Variants in ARMC8 observed in about 807,000 individuals in gnomAD.
ARMC8 encodes armadillo repeat-containing protein 8.
ARMC8 carries 20 observed loss-of-function variants against 99.3 expected under a neutral mutation model. That is an observed-to-expected ratio of 0.20 (90% confidence interval 0.14 to 0.29). The LOEUF (loss-of-function observed/expected upper bound fraction) is 0.29. Ranked by LOEUF, ARMC8 falls within the 10% of genes least tolerant of loss-of-function variation. ARMC8 has a pLI of 1.00. For synonymous variants in ARMC8, 263 were observed against 278.3 expected (o/e 0.95, Z 0.55); for missense variants, 569 against 809.5 (o/e 0.70, Z 3.60).
intron 12 of ARMC8, chr3:138,262,487 T>C: frequency 6.3e-7 from 1 of 1,579,382 alleles, no homozygotes. Flanking sequence ...TGAAACATCC[T>C]GAGGTTTTCC....
chr3:138,215,704 A>G (rs966738765), intron 2 of ARMC8, among the ~76,000 whole-genome samples: 2 of 152,154 alleles, frequency 1.3e-5, no homozygotes, highest in African/African-American at 2.4e-5. Context: ...TCATACATTG[A>G]TAAAACAGAG....
chr3:138,235,093 A>G lies in ARMC8; in HGVS notation c.588A>G (p.Leu196=), dbSNP rs762035295. The change falls in exon 7 of 22, where the codon CTA becomes CTG. Residue 196 remains leucine (L), a synonymous_variant. Transcript: ENST00000469044. ...NHGAVQNIAH[L]LTSLSYKVRM... ...GTGCAGTTCAGAATATTGCTCACCT[A>G]CTAACCTCACTGTCCTACAAAGTAA... The G allele has an allele frequency of 3.7e-6, 6 of 1,613,580 alleles. No homozygotes were observed. The highest frequency in any genetic ancestry group is 2.2e-5 in the East Asian group (1 of 44,826).
rs533405202 is a variant in ARMC8 at position 138,202,773 on chromosome 3, A to G, written c.46-7044A>G. On this transcript the variant is annotated intron_variant, in intron 1 of 21. Transcript: ENST00000469044. ...TAGAAATAAAGAACACTATATTTTG[A>G]TAAAATATACACAGAGCAAGACTTT... 7.2e-5 allele frequency among the ~76,000 whole-genome samples: 11 copies of G among 152,320 alleles called. No homozygotes were observed. The South Asian group carries it at 2.1e-3, about 29-fold the overall frequency.
intron 20 of ARMC8, among the ~76,000 whole-genome samples, chr3:138,289,485 T>C (rs1306653097): frequency 6.6e-6 from 1 of 152,138 alleles, no homozygotes; most frequent in Non-Finnish European, 1.5e-5. Context: ...GAAGCACATA[T>C]GAGGACTACA....
chr3:138,227,081 G>A (rs1007153937), intron 5 of ARMC8, among the ~76,000 whole-genome samples: 1 of 152,208 alleles, frequency 6.6e-6, no homozygotes, highest in Non-Finnish European at 1.5e-5. Flanking sequence ...CAGTAGAATA[G>A]AGATGGGGTA....
chr3:138,187,869 A>G lies in ARMC8; in HGVS notation c.45+270A>G, dbSNP rs2043156848. On this transcript the variant is annotated intron_variant, in intron 1 of 21. Transcript: ENST00000469044. ...GCAGGCGGGGTGGCTGGGCTTATAG[A>G]CAACTGGCTGGGCGGCGCGGCTTGG... is the stretch of plus-strand genomic sequence containing the variant. The G allele has an allele frequency of 1.4e-5, 7 of 508,558 alleles. 1 individual carries two copies. The South Asian group carries it at 1.6e-4, about 12-fold the overall frequency. 31.5% of individuals were successfully genotyped at this position (508,558 alleles called of 1,614,324 possible).
chr3:138,250,942 T>A (rs1169308358), intron 12 of ARMC8, among the ~76,000 whole-genome samples: 1 of 151,882 alleles, frequency 6.6e-6, no homozygotes, highest in Non-Finnish European at 1.5e-5. Flanking sequence ...AGCTCAGGAG[T>A]TCGATACCAG....
At chr3:138,252,936 C>T (rs1481474936) in intron 12 of ARMC8, among the ~76,000 whole-genome samples, 1 of 151,998 alleles carries the variant, frequency 6.6e-6, no homozygotes, top group Non-Finnish European at 1.5e-5. Flanking sequence ...GACATTGTCA[C>T]TGGATACTTT....
At position 138,236,000 on chromosome 3, in the gene ARMC8, G is replaced by T. The variant is rs377752609; in HGVS notation, c.609+886G>T. On this transcript the variant is annotated intron_variant, in intron 7 of 21. Transcript: ENST00000469044. Reference sequence around the variant, plus strand: ...TTTTCTATATTTTAGTAGAGACAGGGTTTCACCATGTTAGCCAGGATGGTC... The same window carrying T: ...TTTTCTATATTTTAGTAGAGACAGGTTTTCACCATGTTAGCCAGGATGGTC... 5.9e-5 allele frequency among the ~76,000 whole-genome samples: 9 copies of T among 151,950 alleles called. No individual in the cohort carries two copies. In the East Asian group the frequency reaches 1.7e-3, roughly 29 times the overall value.
chr3:138,248,720 A>T (rs1559987632), intron 12 of ARMC8, among the ~76,000 whole-genome samples: 1 of 152,224 alleles, frequency 6.6e-6, no homozygotes, highest in African/African-American at 2.4e-5. Context: ...AAAAAGGATT[A>T]TCCTCTCTTA....
chr3:138,210,374 CT>C (rs34842085), intron 2 of ARMC8, among the ~76,000 whole-genome samples: 5 of 152,100 alleles, frequency 3.3e-5, no homozygotes, highest in African/African-American at 4.8e-5. Flanking sequence ...ACCATAATGC[CT>C]TTTTTTCTCC....
intron 15 of ARMC8, among the ~76,000 whole-genome samples, chr3:138,268,333 A>T (rs1239037598): frequency 6.6e-6 from 1 of 152,230 alleles, no homozygotes; most frequent in African/African-American, 2.4e-5. Flanking sequence ...CAAGACTGGT[A>T]GTTACCCTGA....
chr3:138,279,743 G>T (rs1265070632), intron 18 of ARMC8, among the ~76,000 whole-genome samples: 2 of 152,112 alleles, frequency 1.3e-5, no homozygotes, highest in African/African-American at 4.8e-5. Flanking sequence ...CAGGTTATCT[G>T]TTTCTTGTGT....
Position 138,222,055 on chromosome 3 carries a change from T to C in ARMC8, c.194+58T>C. 6.0e-6 allele frequency: 8 copies of C among 1,331,352 alleles called. No individual in the cohort carries two copies. The Middle Eastern group carries it at 7.4e-4, about 123-fold the overall frequency. 82.5% of individuals were successfully genotyped at this position (1,331,352 alleles called of 1,614,324 possible). A position where few individuals can be genotyped will look rare whatever the true frequency, so the allele number is the denominator to read the frequency against. ...TCATACTAGTTTCTAATGTATTTCTTACTCTCAATTATAGAACCCATTTTT... is the reference window on the plus strand; with the variant it reads ...TCATACTAGTTTCTAATGTATTTCTCACTCTCAATTATAGAACCCATTTTT... On this transcript the variant is annotated intron_variant, in intron 3 of 21. Coordinates refer to ENST00000469044, the MANE Select transcript of ARMC8 (RefSeq NM_001363941.2).
intron 18 of ARMC8, among the ~76,000 whole-genome samples, chr3:138,280,733 C>G (rs2049821385): frequency 6.6e-6 from 1 of 151,868 alleles, no homozygotes; most frequent in Non-Finnish European, 1.5e-5. Context: ...ACCTAGTGAT[C>G]CACCCACCTC....
intron 1 of ARMC8, among the ~76,000 whole-genome samples, chr3:138,201,173 A>G (rs1381109661): frequency 1.3e-5 from 2 of 151,074 alleles, no homozygotes; most frequent in Non-Finnish European, 2.9e-5. Context: ...TGGCCTCCCA[A>G]AGTGCTGGGA....
Position 138,223,957 on chromosome 3 carries a change from C to CTT in ARMC8, c.435+242_435+243dup, listed in dbSNP as rs1037473550. 1.2e-3 allele frequency among the ~76,000 whole-genome samples: 159 copies of CTT among 133,640 alleles called. 1 individual carries two copies. Among genetic ancestry groups the CTT allele is most frequent in the African/African-American group, 1.3e-3 (47 of 35,346 alleles). The allele number at this position is 133,640 out of a possible 152,430, so 87.7% of individuals were successfully genotyped here. A position where few individuals can be genotyped will look rare whatever the true frequency, so the allele number is the denominator to read the frequency against. ...AGAGTGACATAACAAGACTCCATCT[C>CTT]TTTTTTTTTTTTTTTTTTTGAGGTG... On this transcript the variant is annotated intron_variant, in intron 5 of 21. Coordinates refer to ENST00000469044, the MANE Select transcript of ARMC8 (RefSeq NM_001363941.2).
intron 2 of ARMC8, among the ~76,000 whole-genome samples, chr3:138,221,571 C>CTGT (rs367581823): frequency 6.6e-6 from 1 of 151,506 alleles, no homozygotes; most frequent in East Asian, 1.9e-4. Flanking sequence ...GCTGTTTTTT[C>CTGT]TGTTGTTGTT....
intron 18 of ARMC8, among the ~76,000 whole-genome samples, chr3:138,278,600 A>G (rs919908621): frequency 1.3e-5 from 2 of 152,230 alleles, no homozygotes; most frequent in African/African-American, 4.8e-5. Context: ...TCTACAAATG[A>G]AATGCCACTT....
Sources: allele counts gnomAD v4.1 joint callset (sites outside exome capture counted in the v4.1 genomes callset), GRCh38; gene constraint gnomAD v4.1.1; transcripts MANE v1.5; gene names NCBI Gene and HGNC (gene_info 2026-07-23, HGNC 2026-07-21).